The following EPHA3 variants were observed in gnomAD, a reference collection of about 807,000 sequenced individuals.
EPHA3 encodes ephrin type-A receptor 3.
In EPHA3, 42 loss-of-function variants were observed where a neutral mutation model predicts 107.1. The ratio of observed to expected loss-of-function variants is 0.39; its 90% CI spans 0.31 to 0.51. The LOEUF (loss-of-function observed/expected upper bound fraction) is 0.51. Among genes scored for constraint, EPHA3 ranks in the 20% least tolerant of loss-of-function variants. The pLI, the probability that EPHA3 is intolerant of heterozygous loss-of-function variation, is 0.78. For missense variants in EPHA3, 1,183 were observed against 1,211.2 expected, an observed-to-expected ratio of 0.98 and a Z score of 0.35; for synonymous variants, 461 against 424.8, an observed-to-expected ratio of 1.09 and a Z score of -1.05.
chr3:89,289,697 G>A (rs995976365), intron 3 of EPHA3, among the ~76,000 whole-genome samples: 7 of 152,038 alleles, frequency 4.6e-5, no homozygotes, highest in African/African-American at 7.2e-5. Flanking sequence ...ATGTGCGTGC[G>A]TGTGTGCATG....
At chr3:89,314,919 T>C (rs1445591305) in intron 3 of EPHA3, among the ~76,000 whole-genome samples, 1 of 151,944 alleles carries the variant, frequency 6.6e-6, no homozygotes, top group Non-Finnish European at 1.5e-5. Flanking sequence ...TACACAAACC[T>C]AGATAGTATA....
At chr3:89,190,290 ACT>A (rs1451591034) in intron 2 of EPHA3, among the ~76,000 whole-genome samples, 1 of 151,804 alleles carries the variant, frequency 6.6e-6, no homozygotes, top group African/African-American at 2.4e-5. Context: ...AAACAAACTA[ACT>A]CTCTTATTTT....
At chr3:89,377,017 T>C (rs1399515987) in intron 5 of EPHA3, among the ~76,000 whole-genome samples, 1 of 152,092 alleles carries the variant, frequency 6.6e-6, no homozygotes, top group East Asian at 1.9e-4. Context: ...TTTCCTTCTG[T>C]GCCTGTAGTT....
intron 3 of EPHA3, among the ~76,000 whole-genome samples, chr3:89,267,147 C>T (rs1360390452): frequency 6.6e-6 from 1 of 151,952 alleles, no homozygotes; most frequent in Non-Finnish European, 1.5e-5. Flanking sequence ...TAGGATAAAA[C>T]ATGTAACAGA....
At chr3:89,127,399 A>G in intron 2 of EPHA3, 126 bp downstream of exon 2, 4 of 656,108 alleles carry the variant, frequency 6.1e-6, no homozygotes, top group Non-Finnish European at 5.2e-6. Flanking sequence ...TTATAGGAGT[A>G]TTCAATATAT....
intron 1 of EPHA3, among the ~76,000 whole-genome samples, chr3:89,120,156 T>C (rs560589615): frequency 1.9e-4 from 29 of 152,328 alleles, no homozygotes; most frequent in African/African-American, 6.0e-4. Flanking sequence ...TATTTCATAA[T>C]TGAGTAATAT....
chr3:89,469,867 T>A (rs1301523559), intron 15 of EPHA3, among the ~76,000 whole-genome samples: 1 of 152,188 alleles, frequency 6.6e-6, no homozygotes, highest in Non-Finnish European at 1.5e-5. Context: ...TGGTGTCTTC[T>A]CACCACAAAT....
At chr3:89,244,840 T>A (rs1436515570) in intron 3 of EPHA3, among the ~76,000 whole-genome samples, 1 of 152,202 alleles carries the variant, frequency 6.6e-6, no homozygotes, top group Non-Finnish European at 1.5e-5. Flanking sequence ...CTGGCTATTG[T>A]ATTAAGCATT....
At chr3:89,317,699 A>G (rs1706941598) in intron 3 of EPHA3, among the ~76,000 whole-genome samples, 1 of 151,780 alleles carries the variant, frequency 6.6e-6, no homozygotes, top group South Asian at 2.1e-4. Flanking sequence ...AAGTAATGCA[A>G]TATATTTATA....
intron 11 of EPHA3, among the ~76,000 whole-genome samples, chr3:89,423,901 A>G (rs13089713): frequency 0.046 from 6,908 of 151,406 alleles, 160 homozygotes; most frequent in South Asian, 0.075. Context: ...TGTGTGCCCA[A>G]AGACACCATT....
intron 2 of EPHA3, 95 bp from the exon 3 acceptor site, chr3:89,209,765 T>G: frequency 9.7e-7 from 1 of 1,029,454 alleles, no homozygotes; most frequent in Non-Finnish European, 1.4e-6. Context: ...GAGTAAATGA[T>G]GATTTATTAT....
chr3:89,228,224 C>T (rs1019594799), intron 3 of EPHA3, among the ~76,000 whole-genome samples: 10 of 151,956 alleles, frequency 6.6e-5, no homozygotes, highest in South Asian at 2.1e-4. Flanking sequence ...TTGATAGTCA[C>T]GGACAGAGTG....
At chr3:89,372,913 A>G (rs1264196846) in intron 5 of EPHA3, among the ~76,000 whole-genome samples, 3 of 151,862 alleles carry the variant, frequency 2.0e-5, no homozygotes, top group Non-Finnish European at 4.4e-5. Context: ...AACCAAGGAT[A>G]TGTCTACATA....
intron 2 of EPHA3, among the ~76,000 whole-genome samples, chr3:89,145,479 T>C (rs1704535145): frequency 6.6e-6 from 1 of 151,806 alleles, no homozygotes; most frequent in Non-Finnish European, 1.5e-5. Context: ...TTTAAAGCAA[T>C]ATAGAATGAT....
At chr3:89,391,416 C>CTT (rs1708733394) in intron 5 of EPHA3, among the ~76,000 whole-genome samples, 1 of 89,456 alleles carries the variant, frequency 1.1e-5, no homozygotes, top group African/African-American at 4.4e-5. Context: ...TCTTTTCTTT[C>CTT]TTTTCTTTTT....
intron 2 of EPHA3, among the ~76,000 whole-genome samples, chr3:89,203,487 G>A (rs1396079141): frequency 6.6e-6 from 1 of 151,920 alleles, no homozygotes; most frequent in Non-Finnish European, 1.5e-5. Flanking sequence ...ATAACTTAAA[G>A]CTCCGGCTGG....
intron 3 of EPHA3, among the ~76,000 whole-genome samples, chr3:89,278,824 A>G (rs1705872072): frequency 6.6e-6 from 1 of 152,182 alleles, no homozygotes; most frequent in Admixed American, 6.5e-5. Context: ...TGCTAAAATG[A>G]GTGCAAATTA....
At chr3:89,404,847 A>G (rs1411718831) in intron 7 of EPHA3, among the ~76,000 whole-genome samples, 6 of 152,206 alleles carry the variant, frequency 3.9e-5, no homozygotes, top group Non-Finnish European at 4.4e-5. Context: ...CAAAATAACC[A>G]CAGAATTCAA....
At chr3:89,148,775 C>T (rs1436276327) in intron 2 of EPHA3, among the ~76,000 whole-genome samples, 1 of 151,972 alleles carries the variant, frequency 6.6e-6, no homozygotes, top group African/African-American at 2.4e-5. Flanking sequence ...CTGGTGAATG[C>T]ATCTGAATTA....
Sources: gnomAD v4.1 joint callset for allele counts (sites outside exome capture counted in the v4.1 genomes callset) on GRCh38, gnomAD v4.1.1 for gene constraint, MANE v1.5 for transcripts, NCBI Gene and HGNC (gene_info 2026-07-23, HGNC 2026-07-21) for gene names.